Variants in SPMIP7 observed in about 807,000 individuals in gnomAD.
The protein encoded by SPMIP7 is protein SPMIP7.
the SPMIP7 span, chr7:50,140,076 T>C: frequency 8.3e-6 from 9 of 1,084,256 alleles, no homozygotes; most frequent in Non-Finnish European, 1.2e-5. Flanking sequence ...AGAAATACTG[T>C]AATAATTTGA....
At chr7:50,127,624 T>TATATATATAA in the SPMIP7 span, among the ~76,000 whole-genome samples, 1 of 148,714 alleles carries the variant, frequency 6.7e-6, no homozygotes, top group Non-Finnish European at 1.5e-5. Context: ...TTTCTATATA[T>TATATATATAA]ATATATATAT....
the SPMIP7 span, among the ~76,000 whole-genome samples, chr7:50,126,327 T>G: frequency 6.6e-6 from 1 of 151,790 alleles, no homozygotes; most frequent in South Asian, 2.1e-4. Flanking sequence ...AAAATCAAAG[T>G]TAACAAAATT....
the SPMIP7 span, among the ~76,000 whole-genome samples, chr7:50,153,033 A>G: frequency 6.6e-6 from 1 of 152,218 alleles, no homozygotes; most frequent in Non-Finnish European, 1.5e-5. Flanking sequence ...GCACTGTTCA[A>G]GACACTGAAG....
chr7:50,157,831 T>C, the SPMIP7 span, among the ~76,000 whole-genome samples: 1 of 152,242 alleles, frequency 6.6e-6, no homozygotes, highest in East Asian at 1.9e-4. Flanking sequence ...AATAGGGAGT[T>C]TGGGAATGCC....
At chr7:50,134,195 C>G in the SPMIP7 span, 2 of 1,550,480 alleles carry the variant, frequency 1.3e-6, no homozygotes, top group South Asian at 2.4e-5. Flanking sequence ...CTGACCCCAT[C>G]TCACAGTGTT....
the SPMIP7 span, among the ~76,000 whole-genome samples, chr7:50,156,388 A>G: frequency 0.94 from 142,808 of 152,050 alleles, 67,697 homozygotes; most frequent in East Asian, 1. Context: ...CTAAGAAGTC[A>G]TCTTCACACG....
chr7:50,146,808 C>T, the SPMIP7 span, among the ~76,000 whole-genome samples: 1 of 152,196 alleles, frequency 6.6e-6, no homozygotes, highest in Non-Finnish European at 1.5e-5. Flanking sequence ...TCCCCTTGCC[C>T]ACCCTAACTT....
At chr7:50,141,370 T>C in the SPMIP7 span, 2 of 1,549,598 alleles carry the variant, frequency 1.3e-6, no homozygotes, top group Admixed American at 3.9e-5. Flanking sequence ...TCTAAGCCTC[T>C]TTATACAAAC....
chr7:50,121,896 A>G, the SPMIP7 span, among the ~76,000 whole-genome samples: 1 of 151,748 alleles, frequency 6.6e-6, no homozygotes, highest in Admixed American at 6.6e-5. Context: ...ACCTCAGATG[A>G]TCCTCCGGCC....
the SPMIP7 span, chr7:50,142,849 A>G: frequency 6.6e-6 from 1 of 152,224 alleles, no homozygotes. Flanking sequence ...TTTGATACAT[A>G]CATATGAATC....
At chr7:50,154,677 A>G in the SPMIP7 span, among the ~76,000 whole-genome samples, 1 of 152,218 alleles carries the variant, frequency 6.6e-6, no homozygotes, top group East Asian at 1.9e-4. Context: ...TGCAATGAAC[A>G]CAGGAATGCA....
chr7:50,129,959 G>C, the SPMIP7 span, among the ~76,000 whole-genome samples: 3 of 152,222 alleles, frequency 2.0e-5, no homozygotes, highest in East Asian at 5.8e-4. Context: ...TGAAGGAAGA[G>C]TCTTAAGGCA....
the SPMIP7 span, among the ~76,000 whole-genome samples, chr7:50,127,646 A>G: frequency 7.2e-5 from 8 of 111,118 alleles, no homozygotes; most frequent in Non-Finnish European, 1.5e-4. Context: ...CTGATTAAAA[A>G]TGGGCAAAAG....
the SPMIP7 span, chr7:50,104,421 T>C: frequency 1.0e-4 from 139 of 1,369,548 alleles, no homozygotes; most frequent in Middle Eastern, 1.8e-4. Flanking sequence ...AGTAAGATTT[T>C]CTTCTGGGTG....
chr7:50,152,854 T>C, the SPMIP7 span, among the ~76,000 whole-genome samples: 1 of 151,992 alleles, frequency 6.6e-6, no homozygotes, highest in East Asian at 1.9e-4. Flanking sequence ...GCCCAGCTAA[T>C]TTTTGTATTT....
chr7:50,139,486 TTATTGGTA>T, the SPMIP7 span, among the ~76,000 whole-genome samples: 1 of 152,214 alleles, frequency 6.6e-6, no homozygotes, highest in Non-Finnish European at 1.5e-5. Context: ...TTCTAAAACT[TTATTGGTA>T]TATTGGTATT....
At chr7:50,120,682 C>T in the SPMIP7 span, among the ~76,000 whole-genome samples, 1 of 152,138 alleles carries the variant, frequency 6.6e-6, no homozygotes, top group Admixed American at 6.5e-5. Context: ...GGTTTGCAGG[C>T]GTCCTAAATG....
the SPMIP7 span, among the ~76,000 whole-genome samples, chr7:50,133,140 A>T: frequency 6.6e-6 from 1 of 152,072 alleles, no homozygotes; most frequent in African/African-American, 2.4e-5. Flanking sequence ...TTCACTCAGG[A>T]TCCAACTGGA....
At chr7:50,117,866 G>T in the SPMIP7 span, among the ~76,000 whole-genome samples, 3 of 152,130 alleles carry the variant, frequency 2.0e-5, no homozygotes, top group African/African-American at 7.2e-5. Context: ...CGTGATTTTG[G>T]CGTGTTATAG....
Sources: gnomAD v4.1 joint callset for allele counts (sites outside exome capture counted in the v4.1 genomes callset) on GRCh38, gnomAD v4.1.1 for gene constraint, MANE v1.5 for transcripts, NCBI Gene and HGNC (gene_info 2026-07-23, HGNC 2026-07-21) for gene names.